PCDH15: variants seen among roughly 807,000 people sequenced by gnomAD.
PCDH15 encodes protocadherin related 15, also known as protocadherin-15.
A neutral mutation model predicts 178.5 loss-of-function variants in PCDH15; 129 were observed. The observed-to-expected ratio is 0.72, with a 90% CI of 0.63 to 0.84. The LOEUF (loss-of-function observed/expected upper bound fraction) is 0.84. Among genes scored for constraint, PCDH15 ranks in the 40% least tolerant of loss-of-function variants. PCDH15 has a pLI of 0.00. For missense variants in PCDH15, 2,230 were observed against 2,099.9 expected (o/e 1.06, Z -1.21); for synonymous variants, 800 against 732.0 (o/e 1.09, Z -1.50).
intron 3 of PCDH15, among the ~76,000 whole-genome samples, chr10:54,392,344 T>C (rs575669441): frequency 6.6e-6 from 1 of 151,108 alleles, no homozygotes; most frequent in East Asian, 2.0e-4. Flanking sequence ...TGGGCGCCTG[T>C]GATCCCAGCT....
chr10:55,466,904 T>C (rs1839842469), intron 2 of PCDH15, among the ~76,000 whole-genome samples: 2 of 152,116 alleles, frequency 1.3e-5, no homozygotes, highest in Non-Finnish European at 2.9e-5. Context: ...AGAGAGAAAA[T>C]AGTCTTTTTT....
At chr10:54,512,153 C>T (rs1262998896) in intron 3 of PCDH15, among the ~76,000 whole-genome samples, 1 of 151,972 alleles carries the variant, frequency 6.6e-6, no homozygotes, top group African/African-American at 2.4e-5. Flanking sequence ...TTCTGTCCAC[C>T]AAGATGTCTA....
intron 2 of PCDH15, among the ~76,000 whole-genome samples, chr10:54,898,306 T>C (rs987978401): frequency 6.6e-6 from 1 of 152,200 alleles, no homozygotes; most frequent in East Asian, 1.9e-4. Flanking sequence ...GGAAGAATGA[T>C]ATATTTCACA....
At chr10:53,959,487 T>A (rs2088042603) in intron 23 of PCDH15, among the ~76,000 whole-genome samples, 1 of 152,096 alleles carries the variant, frequency 6.6e-6, no homozygotes, top group South Asian at 2.1e-4. Flanking sequence ...TGTTGTATTT[T>A]AATAAGTTTG....
chr10:54,654,868 GGACTCTGAATTA>G (rs1399147754), intron 2 of PCDH15: 1 of 152,118 alleles, frequency 6.6e-6, no homozygotes, highest in Non-Finnish European at 1.5e-5. Flanking sequence ...TGCATTGCCT[GGACTCTGAATTA>G]GACCTTTTCT....
intron 2 of PCDH15, among the ~76,000 whole-genome samples, chr10:54,582,114 A>C (rs924090015): frequency 6.6e-6 from 1 of 152,150 alleles, no homozygotes; most frequent in African/African-American, 2.4e-5. Context: ...AATATAAAAA[A>C]ATTTTAAAAA....
At chr10:54,375,782 T>TA (rs1948305793) in intron 4 of PCDH15, among the ~76,000 whole-genome samples, 1 of 116,544 alleles carries the variant, frequency 8.6e-6, no homozygotes, top group African/African-American at 3.4e-5. Context: ...TATATATATT[T>TA]GAAATGGAAT....
intron 2 of PCDH15, among the ~76,000 whole-genome samples, chr10:54,654,268 AT>A (rs2094327833): frequency 6.6e-6 from 1 of 152,230 alleles, no homozygotes; most frequent in Non-Finnish European, 1.5e-5. Flanking sequence ...TGTTCAGAAT[AT>A]ACAAAATGTG....
chr10:54,640,788 A>G (rs369972306), intron 2 of PCDH15, among the ~76,000 whole-genome samples: 1 of 152,130 alleles, frequency 6.6e-6, no homozygotes, highest in Non-Finnish European at 1.5e-5. Context: ...ATGCCTTTTT[A>G]AGAGTCTTAG....
At chr10:54,895,390 T>C (rs1021308661) in intron 3 of PCDH15, among the ~76,000 whole-genome samples, 9 of 152,200 alleles carry the variant, frequency 5.9e-5, no homozygotes, top group African/African-American at 2.4e-5. Flanking sequence ...ATTCTTGAGC[T>C]GAATGTCTGG....
At chr10:54,027,011 C>A (rs560849761) in intron 18 of PCDH15, among the ~76,000 whole-genome samples, 340 of 147,224 alleles carry the variant, frequency 2.3e-3, no homozygotes, top group Non-Finnish European at 3.7e-3. Flanking sequence ...TCCCTGTTTG[C>A]AGACGACATG....
intron 1 of PCDH15, among the ~76,000 whole-genome samples, chr10:55,167,015 G>C (rs762249952): frequency 6.6e-6 from 1 of 152,138 alleles, no homozygotes; most frequent in Non-Finnish European, 1.5e-5. Flanking sequence ...CTCCTTAAAT[G>C]ACACTTCAAA....
intron 1 of PCDH15, among the ~76,000 whole-genome samples, chr10:54,730,449 C>T (rs1336268933): frequency 1.3e-5 from 2 of 151,482 alleles, no homozygotes; most frequent in Non-Finnish European, 3.0e-5. Flanking sequence ...GAGTACTATG[C>T]TCATTACCCA....
intron 2 of PCDH15, among the ~76,000 whole-genome samples, chr10:55,387,578 C>T (rs544153200): frequency 6.6e-6 from 1 of 152,180 alleles, no homozygotes; most frequent in South Asian, 2.1e-4. Context: ...AATGTGACAG[C>T]TGTATATATG....
At chr10:55,338,740 A>T (rs1204954206) in intron 2 of PCDH15, among the ~76,000 whole-genome samples, 1 of 152,084 alleles carries the variant, frequency 6.6e-6, no homozygotes, top group Non-Finnish European at 1.5e-5. Context: ...ATGTCACTGC[A>T]CTCCAGCTCA....
At chr10:54,430,335 G>A (rs552854741) in intron 3 of PCDH15, among the ~76,000 whole-genome samples, 70 of 152,082 alleles carry the variant, frequency 4.6e-4, no homozygotes, top group Admixed American at 2.0e-3. Context: ...GATTACAGGC[G>A]TGAGCCACCA....
At chr10:54,616,297 A>G (rs1311019212) in intron 2 of PCDH15, among the ~76,000 whole-genome samples, 1 of 152,116 alleles carries the variant, frequency 6.6e-6, no homozygotes, top group Non-Finnish European at 1.5e-5. Context: ...ACACTGAAGA[A>G]AAAGCTACTG....
At chr10:53,885,999 T>C (rs1173635691) in intron 26 of PCDH15, among the ~76,000 whole-genome samples, 3 of 152,194 alleles carry the variant, frequency 2.0e-5, no homozygotes, top group Non-Finnish European at 2.9e-5. Flanking sequence ...GAAAAATGGC[T>C]GTGTGTTCAA....
rs1397896139 is a variant in PCDH15 at position 53,825,407 on chromosome 10, A to AATTTACTATACATAGAT, written c.4367+1985_4367+1986insATCTATGTATAGTAAAT. Among the ~76,000 whole-genome samples, 72 of 57,092 alleles carry AATTTACTATACATAGAT rather than the reference A, an allele frequency of 1.3e-3. No homozygotes were observed. In the African/African-American group the frequency reaches 0.057, roughly 45 times the overall value. 37.5% of individuals were successfully genotyped at this position (57,092 alleles called of 152,430 possible). ...TAAAGTCTGTTTACTATACATAGATAAAAATTCACTTCTATTAAACCTGGA... is the reference window on the plus strand; with the variant it reads ...TAAAGTCTGTTTACTATACATAGATAATTTACTATACATAGATAAAATTCACTTCTATTAAACCTGGA... On this transcript the variant is annotated intron_variant, in intron 32 of 37. Transcript: ENST00000644397.
Sources: allele counts gnomAD v4.1 joint callset (sites outside exome capture counted in the v4.1 genomes callset), GRCh38; gene constraint gnomAD v4.1.1; transcripts MANE v1.5; gene names NCBI Gene and HGNC (gene_info 2026-07-23, HGNC 2026-07-21).